CAMTA1: variants seen among roughly 807,000 people sequenced by gnomAD.
CAMTA1 encodes calmodulin binding transcription activator 1, also known as calmodulin-binding transcription activator 1.
In CAMTA1, 27 loss-of-function variants were observed where a neutral mutation model predicts 170.9. The ratio of observed to expected loss-of-function variants is 0.16; its 90% CI spans 0.12 to 0.22. CAMTA1 has a LOEUF of 0.22. Among genes scored for constraint, CAMTA1 ranks in the 10% least tolerant of loss-of-function variants. CAMTA1 has a pLI of 1.00. For synonymous variants in CAMTA1, 833 were observed against 891.5 expected (o/e 0.93, Z 1.17); for missense variants, 1,619 against 2,217.2 (o/e 0.73, Z 5.42).
At chr1:7,356,607 G>A (rs1313627085) in intron 5 of CAMTA1, among the ~76,000 whole-genome samples, 1 of 152,174 alleles carries the variant, frequency 6.6e-6, no homozygotes, top group East Asian at 1.9e-4. Flanking sequence ...GGAGATCCCT[G>A]AACCTATGGA....
At chr1:7,625,624 G>A (rs367693943) in intron 6 of CAMTA1, among the ~76,000 whole-genome samples, 28 of 152,390 alleles carry the variant, frequency 1.8e-4, no homozygotes, top group East Asian at 5.8e-4. Flanking sequence ...CGGGGTTCAC[G>A]AGCTTGCTCT....
At chr1:7,573,633 G>A (rs903960853) in intron 6 of CAMTA1, among the ~76,000 whole-genome samples, 1 of 152,212 alleles carries the variant, frequency 6.6e-6, no homozygotes, top group African/African-American at 2.4e-5. Context: ...GGTACCCCTT[G>A]GCTTGCAGCT....
chr1:7,659,530 T>C (rs1432249803), intron 7 of CAMTA1, among the ~76,000 whole-genome samples: 1 of 151,434 alleles, frequency 6.6e-6, no homozygotes, highest in Non-Finnish European at 1.5e-5. Flanking sequence ...CGAGACTCTG[T>C]CTCAAAAAAA....
chr1:7,186,173 C>T (rs1431424029), intron 4 of CAMTA1, among the ~76,000 whole-genome samples: 4 of 151,506 alleles, frequency 2.6e-5, no homozygotes, highest in Admixed American at 2.6e-4. Context: ...AGCAAAAGAG[C>T]AAAAGAGAGA....
chr1:7,763,891 A>T (rs913301396), intron 22 of CAMTA1, among the ~76,000 whole-genome samples: 5 of 152,196 alleles, frequency 3.3e-5, no homozygotes, highest in Non-Finnish European at 7.3e-5. Flanking sequence ...CATATTTGTG[A>T]ATGAGGTCTG....
rs1666279618 is a variant in CAMTA1, at chr1:7,249,259, T to G, written c.303-232T>G. Among the ~76,000 whole-genome samples, 1 of 152,206 alleles carries G rather than the reference T, an allele frequency of 6.6e-6. No homozygotes were observed. Among genetic ancestry groups the G allele is most frequent in the South Asian group, 2.1e-4 (1 of 4,830 alleles). ...GTGGTTATTACTGAGGGGATGTTTT[T>G]TAAGCCTATCATTGACACATTTAAT... is the stretch of plus-strand genomic sequence containing the variant. On this transcript the variant is annotated intron_variant, in intron 4 of 22. Transcript: ENST00000303635. This position sits in a 1 kb window ranked among gnomAD's most constrained non-coding sequence, Gnocchi z 4.4.
chr1:7,419,212 A>AG (rs36040358), intron 5 of CAMTA1, among the ~76,000 whole-genome samples: 139,398 of 152,168 alleles, frequency 0.92, 63,926 homozygotes, highest in East Asian at 0.99. Flanking sequence ...GCTGGAATGC[A>AG]GGGCACGATC....
At chr1:7,556,065 G>A (rs1434631226) in intron 6 of CAMTA1, among the ~76,000 whole-genome samples, 2 of 152,224 alleles carry the variant, frequency 1.3e-5, no homozygotes, top group African/African-American at 2.4e-5. Flanking sequence ...AGAGGGAGCC[G>A]GGGGCAATGT....
Position 6,887,808 on chromosome 1 carries a change from A to G in CAMTA1, c.234+62598A>G, listed in dbSNP as rs932983884. On this transcript the variant is annotated intron_variant, in intron 3 of 22. Transcript: ENST00000303635. The surrounding 1 kb of genome is among the most constrained non-coding windows in gnomAD (Gnocchi z 4.1). ...CCATGTCTGGCTTTAAGACAGTTCT[A>G]TTAGTGAATTAACTGTTCTCAAAAC... is the stretch of plus-strand genomic sequence containing the variant. 11 of 1,500,296 alleles carry G rather than the reference A, an allele frequency of 7.3e-6. No homozygotes were observed. Among genetic ancestry groups the G allele is most frequent in the South Asian group, 2.5e-5 (2 of 79,274 alleles). The allele number at this position is 1,500,296 out of a possible 1,614,324, so 92.9% of individuals were successfully genotyped here.
At chr1:7,367,488 C>A (rs1425110975) in intron 5 of CAMTA1, among the ~76,000 whole-genome samples, 1 of 152,246 alleles carries the variant, frequency 6.6e-6, no homozygotes, top group African/African-American at 2.4e-5. Context: ...AGCTGAACAC[C>A]TTGCAGCTGA....
intron 5 of CAMTA1, among the ~76,000 whole-genome samples, chr1:7,365,176 C>T (rs908448035): frequency 2.0e-5 from 3 of 152,188 alleles, no homozygotes; most frequent in Non-Finnish European, 2.9e-5. Context: ...CCCCAGTGGA[C>T]GCTGAATTCC....
chr1:7,215,375 A>G (rs1659570874), intron 4 of CAMTA1, among the ~76,000 whole-genome samples: 1 of 152,228 alleles, frequency 6.6e-6, no homozygotes, highest in Non-Finnish European at 1.5e-5. Context: ...TATGTCTCAT[A>G]AATTCTGGTA....
intron 3 of CAMTA1, among the ~76,000 whole-genome samples, chr1:6,845,970 A>G (rs1657940925): frequency 1.3e-5 from 2 of 152,222 alleles, no homozygotes; most frequent in Non-Finnish European, 2.9e-5. Flanking sequence ...AAGCAAAGGC[A>G]TGTCATACAT....
At chr1:7,071,803 G>A (rs1638683508) in intron 3 of CAMTA1, among the ~76,000 whole-genome samples, 1 of 152,220 alleles carries the variant, frequency 6.6e-6, no homozygotes, top group Admixed American at 6.5e-5. Flanking sequence ...TTAAAACAAA[G>A]GATTTGGGCC....
intron 4 of CAMTA1, among the ~76,000 whole-genome samples, chr1:7,245,275 T>C (rs1196660729): frequency 6.6e-6 from 1 of 151,294 alleles, no homozygotes; most frequent in East Asian, 1.9e-4. Context: ...CTATAAGCTA[T>C]TGGCTGATAA....
intron 3 of CAMTA1, among the ~76,000 whole-genome samples, chr1:6,959,071 G>A (rs894492400): frequency 2.6e-5 from 4 of 152,198 alleles, no homozygotes; most frequent in Non-Finnish European, 5.9e-5. Context: ...TTGACCTTGA[G>A]TATTTTGGCA....
At chr1:6,914,797 G>A (rs1196693241) in intron 3 of CAMTA1, among the ~76,000 whole-genome samples, 1 of 152,208 alleles carries the variant, frequency 6.6e-6, no homozygotes, top group Non-Finnish European at 1.5e-5. Flanking sequence ...TGCAGACTCT[G>A]GGATGTTACT....
intron 4 of CAMTA1, among the ~76,000 whole-genome samples, chr1:7,137,547 A>G (rs1645613727): frequency 6.6e-6 from 1 of 152,174 alleles, no homozygotes; most frequent in Admixed American, 6.5e-5. Flanking sequence ...GAGATTCTGC[A>G]CACTACTTTG....
chr1:7,276,856 A>G (rs1025922321), intron 5 of CAMTA1, among the ~76,000 whole-genome samples: 25 of 152,376 alleles, frequency 1.6e-4, no homozygotes, highest in Non-Finnish European at 3.5e-4. Context: ...GAACTAGTAG[A>G]TGAATTTAGG....
Sources: allele counts gnomAD v4.1 joint callset (sites outside exome capture counted in the v4.1 genomes callset), GRCh38; gene constraint gnomAD v4.1.1; non-coding constraint Gnocchi (gnomAD v3.1); transcripts MANE v1.5; gene names NCBI Gene and HGNC (gene_info 2026-07-23, HGNC 2026-07-21).